The following KIAA1549L variants were observed in gnomAD, a reference collection of about 807,000 sequenced individuals.
The protein encoded by KIAA1549L is KIAA1549 like.
A neutral mutation model predicts 160.7 loss-of-function variants in KIAA1549L; 88 were observed. The observed-to-expected ratio is 0.55, with a 90% CI of 0.46 to 0.65. KIAA1549L has a LOEUF of 0.65. Ranked by LOEUF, KIAA1549L falls within the 30% of genes least tolerant of loss-of-function variation. KIAA1549L has a pLI of 0.00. For synonymous variants in KIAA1549L, 950 were observed against 976.7 expected (o/e 0.97, Z 0.51); for missense variants, 2,258 against 2,437.5 (o/e 0.93, Z 1.55).
At chr11:33,524,870 T>C (rs1231698973) in intron 1 of KIAA1549L, among the ~76,000 whole-genome samples, 6 of 152,198 alleles carry the variant, frequency 3.9e-5, no homozygotes, top group Non-Finnish European at 5.9e-5. Flanking sequence ...CTGGAGACTT[T>C]AGGGGAAAAA....
intron 16 of KIAA1549L, among the ~76,000 whole-genome samples, chr11:33,644,419 T>A (rs1851663667): frequency 6.6e-6 from 1 of 152,270 alleles, no homozygotes; most frequent in South Asian, 2.1e-4. Context: ...ATTCCCTCAT[T>A]TACTTGCTGT....
chr11:33,621,529 C>A (rs1850957726), intron 16 of KIAA1549L, among the ~76,000 whole-genome samples: 1 of 152,100 alleles, frequency 6.6e-6, no homozygotes, highest in Non-Finnish European at 1.5e-5. Flanking sequence ...TAATTCATCC[C>A]TATGTATAAA....
intron 1 of KIAA1549L, among the ~76,000 whole-genome samples, chr11:33,467,780 C>A (rs74503354): frequency 0.026 from 3,903 of 152,288 alleles, 56 homozygotes; most frequent in South Asian, 0.085. Context: ...AATGGTGACA[C>A]CCTGCAGTGA....
intron 16 of KIAA1549L, 51 bp from the exon 17 acceptor site, chr11:33,645,635 C>T: frequency 7.3e-7 from 1 of 1,360,812 alleles, no homozygotes; most frequent in Admixed American, 1.8e-5. Flanking sequence ...TACAGAGCAC[C>T]TTCACGGGAA....
intron 1 of KIAA1549L, among the ~76,000 whole-genome samples, chr11:33,428,647 T>C (rs193261869): frequency 1.3e-5 from 2 of 152,364 alleles, no homozygotes; most frequent in African/African-American, 2.4e-5. Flanking sequence ...TTTTTATGGC[T>C]GCATAGTATT....
chr11:33,624,199 G>A (rs1851034365), intron 16 of KIAA1549L, among the ~76,000 whole-genome samples: 3 of 152,226 alleles, frequency 2.0e-5, no homozygotes, highest in African/African-American at 7.2e-5. Context: ...CTGTGCATAT[G>A]TACTCTAGAA....
In KIAA1549L at chr11:33,668,293, G is replaced by A; in HGVS notation, c.*139G>A. The A allele has an allele frequency of 3.8e-6, 3 of 784,588 alleles. No individual in the cohort carries two copies. The highest frequency in any genetic ancestry group is 2.7e-5 in the East Asian group (1 of 37,004). The allele number at this position is 784,588 out of a possible 1,614,324, so 48.6% of individuals were successfully genotyped here. A position where few individuals can be genotyped will look rare whatever the true frequency, so the allele number is the denominator to read the frequency against. ...TCCATTTCTGAAAAGGTGAACTATG[G>A]GGCTTCTGGGAACAGGAAACTCTTG... is the stretch of plus-strand genomic sequence containing the variant. On this transcript the variant is annotated 3_prime_UTR_variant, in exon 21 of 21. Coordinates refer to ENST00000658780, the MANE Select transcript of KIAA1549L (RefSeq NM_012194.3).
rs760519996 is a variant in KIAA1549L, at chr11:33,618,698, C to G, written c.5409+36C>G. On this transcript the variant is annotated intron_variant, in intron 16 of 20. Coordinates refer to ENST00000658780, the MANE Select transcript of KIAA1549L (RefSeq NM_012194.3). The stretch of plus-strand genomic sequence containing the variant: ...GGTGGGCTGGGTAAATACAAGCTTT[C>G]CTTTCCCCTGAAGGCAAGGGGGATA... The G allele has an allele frequency of 4.0e-6, 6 of 1,515,128 alleles. No homozygotes were observed. In the African/African-American group the frequency reaches 4.1e-5, roughly 10 times the overall value. 93.9% of individuals were successfully genotyped at this position (1,515,128 alleles called of 1,614,324 possible). A position where few individuals can be genotyped will look rare whatever the true frequency, so the allele number is the denominator to read the frequency against.
At chr11:33,496,347 T>C (rs1852819540) in intron 1 of KIAA1549L, among the ~76,000 whole-genome samples, 1 of 152,166 alleles carries the variant, frequency 6.6e-6, no homozygotes, top group African/African-American at 2.4e-5. Flanking sequence ...TCTATGAAGG[T>C]AGGGGCTTAG....
At chr11:33,609,237 T>C (rs954280913) in intron 14 of KIAA1549L, among the ~76,000 whole-genome samples, 1 of 152,232 alleles carries the variant, frequency 6.6e-6, no homozygotes, top group Non-Finnish European at 1.5e-5. Context: ...GTTGACAGTG[T>C]GGAAAGGCAT....
chr11:33,475,156 A>C (rs1436938655), intron 1 of KIAA1549L, among the ~76,000 whole-genome samples: 1 of 151,958 alleles, frequency 6.6e-6, no homozygotes, highest in Non-Finnish European at 1.5e-5. Flanking sequence ...TGCCCCTAAC[A>C]CCCAATTCCT....
Position 33,645,761 on chromosome 11 carries a change from G to A in KIAA1549L, c.5485G>A (p.Val1829Met). 1.2e-6 allele frequency: 2 copies of A among 1,613,954 alleles called. No individual in the cohort carries two copies. The highest frequency in any genetic ancestry group is 2.2e-5 in the East Asian group (1 of 44,888). ...CCGGGGCTATTCCAGGTCTCGACAG[G>A]TGAAAGGCCACTCGGAGACCTCCAC... ...EPRGYSRSRQVKGHSETSTLS... is the reference protein window; with the variant it reads ...EPRGYSRSRQMKGHSETSTLS... Residue 1829 changes from valine (V) to methionine (M), a missense_variant, in exon 17 of 21, where the codon GTG becomes ATG. By Grantham distance (21) the Val-to-Met change is conservative (BLOSUM62 1). Around this residue, in one of 6 missense-constraint regions of KIAA1549L, gnomAD observed 1,359 missense variants for 1,546.6 expected, o/e 0.88. Transcript: ENST00000658780.
intron 16 of KIAA1549L, among the ~76,000 whole-genome samples, chr11:33,623,478 C>T (rs1851014360): frequency 6.6e-6 from 1 of 152,152 alleles, no homozygotes; most frequent in Non-Finnish European, 1.5e-5. Flanking sequence ...GATATGTTAT[C>T]TCGACTTAAT....
In KIAA1549L at chr11:33,641,582, A is replaced by G. The variant is rs1425184314; in HGVS notation, c.5410-4104A>G. On this transcript the variant is annotated intron_variant, in intron 16 of 20. Coordinates refer to ENST00000658780, the MANE Select transcript of KIAA1549L (RefSeq NM_012194.3). Reference sequence around the variant, plus strand: ...TATGGTAATGGATCTGTATATATATATATATATATATATATATATATATAT... The same window carrying G: ...TATGGTAATGGATCTGTATATATATGTATATATATATATATATATATATAT... 5.7e-3 allele frequency among the ~76,000 whole-genome samples: 12 copies of G among 2,092 alleles called. No individual in the cohort carries two copies. In the African/African-American group the frequency reaches 0.068, roughly 12 times the overall value. The allele number at this position is 2,092 out of a possible 152,430, so 1.4% of individuals were successfully genotyped here. A position where few individuals can be genotyped will look rare whatever the true frequency, so the allele number is the denominator to read the frequency against.
chr11:33,577,477 A>G (rs777512319), intron 10 of KIAA1549L, among the ~76,000 whole-genome samples: 5 of 152,318 alleles, frequency 3.3e-5, no homozygotes, highest in African/African-American at 1.2e-4. Flanking sequence ...AAATCTGTCA[A>G]TGAATGAGGC....
chr11:33,503,753 C>G (rs1853008455), intron 1 of KIAA1549L, among the ~76,000 whole-genome samples: 1 of 152,188 alleles, frequency 6.6e-6, no homozygotes, highest in Non-Finnish European at 1.5e-5. Flanking sequence ...ACCAAAAAGT[C>G]ATTTGACAAC....
chr11:33,599,061 G>T, intron 13 of KIAA1549L, 114 bp downstream of exon 13: 1 of 1,278,694 alleles, frequency 7.8e-7, no homozygotes. Context: ...CTGACCCTCA[G>T]TCGTTCTTTC....
intron 1 of KIAA1549L, among the ~76,000 whole-genome samples, chr11:33,534,215 T>A (rs577809118): frequency 6.6e-6 from 1 of 152,186 alleles, no homozygotes; most frequent in South Asian, 2.1e-4. Context: ...CCTGAGTAGC[T>A]GGGATTACAG....
intron 1 of KIAA1549L, among the ~76,000 whole-genome samples, chr11:33,462,436 T>G (rs149565292): frequency 5.3e-5 from 8 of 152,324 alleles, no homozygotes; most frequent in Middle Eastern, 3.4e-3. Flanking sequence ...AAAATTTTCC[T>G]TTTAGTTTTG....
Sources: gnomAD v4.1 joint callset for allele counts (sites outside exome capture counted in the v4.1 genomes callset) on GRCh38, gnomAD v4.1.1 for gene constraint, gnomAD v4.1.1 regional missense constraint, MANE v1.5 for transcripts, NCBI Gene and HGNC (gene_info 2026-07-23, HGNC 2026-07-21) for gene names.